Variants in PKHD1L1 observed in about 807,000 individuals in gnomAD.
The protein encoded by PKHD1L1 is PKHD1 like 1.
PKHD1L1 carries 434 observed loss-of-function variants against 462.9 expected under a neutral mutation model. The ratio of observed to expected loss-of-function variants is 0.94; its 90% CI spans 0.87 to 1.02. The LOEUF is 1.02. Among genes scored for constraint, PKHD1L1 ranks in the 50% least tolerant of loss-of-function variants. The pLI is 0.00. For synonymous variants in PKHD1L1, 1,781 were observed against 1,750.0 expected, an observed-to-expected ratio of 1.02 and a Z score of -0.44; for missense variants, 5,202 against 5,096.1, an observed-to-expected ratio of 1.02 and a Z score of -0.63.
chr8:109,445,756 C>A, intron 38 of PKHD1L1, 111 bp downstream of exon 38: 1 of 1,129,184 alleles, frequency 8.9e-7, no homozygotes, highest in Non-Finnish European at 1.2e-6. Flanking sequence ...TATAAATGTT[C>A]CCACTTACAC....
chr8:109,425,368 T>C, intron 24 of PKHD1L1, 136 bp downstream of exon 24: 4 of 521,746 alleles, frequency 7.7e-6, no homozygotes, highest in Non-Finnish European at 1.2e-5. Context: ...ATTTGATATA[T>C]AAGTAAATAT....
At chr8:109,486,864 T>C in intron 59 of PKHD1L1, 43 bp downstream of exon 59, 2 of 1,536,064 alleles carry the variant, frequency 1.3e-6, no homozygotes, top group Middle Eastern at 1.7e-4. Context: ...AGCTATAACA[T>C]TATCTCATCT....
chr8:109,486,858 A>G, intron 59 of PKHD1L1, 37 bp downstream of exon 59: 1 of 1,572,166 alleles, frequency 6.4e-7, no homozygotes, highest in Non-Finnish European at 8.7e-7. Context: ...TAAATGAGCT[A>G]TAACATTATC....
Position 109,429,851 on chromosome 8 carries a change from A to G in PKHD1L1, c.3124-81A>G, listed in dbSNP as rs1315380170. On this transcript the variant is annotated intron_variant, in intron 26 of 77. Coordinates refer to ENST00000378402, the MANE Select transcript of PKHD1L1 (RefSeq NM_177531.6). ...TAAATTAGCAAACCAACAAAATTCC[A>G]TCACTTTTGTTAAAACCTATTCATA... The G allele has an allele frequency of 5.5e-6, 5 of 902,776 alleles. No individual in the cohort carries two copies. The Admixed American group carries it at 7.3e-5, about 13-fold the overall frequency. 55.9% of individuals were successfully genotyped at this position (902,776 alleles called of 1,614,324 possible).
chr8:109,526,074 T>C (rs1008252220), intron 76 of PKHD1L1, among the ~76,000 whole-genome samples: 1 of 152,184 alleles, frequency 6.6e-6, no homozygotes, highest in South Asian at 2.1e-4. Flanking sequence ...AGGAAAAATA[T>C]ATTGGTTATC....
intron 20 of PKHD1L1, 125 bp downstream of exon 20, chr8:109,412,539 C>A (rs762475379): frequency 5.5e-5 from 54 of 988,114 alleles, no homozygotes; most frequent in Non-Finnish European, 7.6e-5. Context: ...TAACAGGCAC[C>A]GAAGTGTACA....
chr8:109,528,612 C>A (rs921782299), intron 77 of PKHD1L1, among the ~76,000 whole-genome samples: 6 of 152,182 alleles, frequency 3.9e-5, no homozygotes, highest in Non-Finnish European at 8.8e-5. Flanking sequence ...TCCACCTCAT[C>A]CAGCAGGTTT....
chr8:109,515,067 T>G, intron 71 of PKHD1L1, 103 bp from the exon 72 acceptor site: 1 of 947,892 alleles, frequency 1.1e-6, no homozygotes, highest in South Asian at 2.2e-5. Flanking sequence ...AAAACTTAGT[T>G]TTAATAGTTT....
intron 19 of PKHD1L1, among the ~76,000 whole-genome samples, chr8:109,411,195 T>G (rs1287786828): frequency 6.6e-6 from 1 of 152,176 alleles, no homozygotes; most frequent in Non-Finnish European, 1.5e-5. Flanking sequence ...CAGTCATTAT[T>G]TATTTCTTAA....
Position 109,523,290 on chromosome 8 carries a change from T to G in PKHD1L1, c.12388T>G (p.Ser4130Ala), listed in dbSNP as rs745507768. 1.2e-6 allele frequency: 2 copies of G among 1,612,252 alleles called. No homozygotes were observed. The highest frequency in any genetic ancestry group is 1.7e-5 in the Admixed American group (1 of 59,912). Reference protein sequence around the residue: ...ALTLRAILKDSNNNQVNGLSG... With the variant: ...ALTLRAILKDANNNQVNGLSG... Reference sequence around the variant, plus strand: ...AACTTTGAGGGCCATACTCAAGGACTCCAATAATAACCAAGTCAATGGCCT... The same window carrying G: ...AACTTTGAGGGCCATACTCAAGGACGCCAATAATAACCAAGTCAATGGCCT... The change falls in exon 76 of 78, where the codon TCC (serine) becomes GCC (alanine). Residue 4130 changes from serine (S) to alanine (A), a missense_variant. Physicochemically the swap from Ser to Ala is moderately conservative, Grantham distance 99. Coordinates refer to ENST00000378402, the MANE Select transcript of PKHD1L1 (RefSeq NM_177531.6).
At chr8:109,518,073 G>T in intron 72 of PKHD1L1, 94 bp from the exon 73 acceptor site, 1 of 789,724 alleles carries the variant, frequency 1.3e-6, no homozygotes, top group Non-Finnish European at 1.9e-6. Context: ...GAATTTGGGG[G>T]ACTTTCTAAA....
rs746864588 is a variant in PKHD1L1, at chr8:109,381,417, T to C, written c.211T>C (p.Leu71=). The C allele has an allele frequency of 2.5e-6, 4 of 1,583,522 alleles. No individual in the cohort carries two copies. In the East Asian group the frequency reaches 9.1e-5, roughly 36 times the overall value. The change falls in exon 3 of 78, where the codon TTG becomes CTG. Residue 71 remains leucine (L), a synonymous_variant. Coordinates refer to ENST00000378402, the MANE Select transcript of PKHD1L1 (RefSeq NM_177531.6). ...QFNYGVDNAE[L]GNSVQLISSF... ...TAACTATGGAGTTGATAACGCTGAG[T>C]TGGGAAACAGTGTGCAATTAATTTC...
At chr8:109,454,531 A>C (rs77695814) in intron 44 of PKHD1L1, among the ~76,000 whole-genome samples, 192 bp from the exon 45 acceptor site, 2 of 152,194 alleles carry the variant, frequency 1.3e-5, no homozygotes, top group Admixed American at 1.3e-4. Context: ...TATACCTTTC[A>C]AAGGTCTGGC....
At chr8:109,404,453 A>C (rs965394447) in intron 14 of PKHD1L1, 101 bp from the exon 15 acceptor site, 2 of 666,044 alleles carry the variant, frequency 3.0e-6, no homozygotes, top group East Asian at 6.7e-5. Flanking sequence ...GTCATTTAAC[A>C]GGCAGGCTTT....
At chr8:109,428,898 C>T (rs1321943922) in intron 25 of PKHD1L1, among the ~76,000 whole-genome samples, 1 of 151,786 alleles carries the variant, frequency 6.6e-6, no homozygotes, top group Non-Finnish European at 1.5e-5. Context: ...GGGTGAAAAA[C>T]CAGGGTAAAG....
intron 17 of PKHD1L1, 140 bp downstream of exon 17, chr8:109,406,618 A>G: frequency 2.0e-6 from 2 of 1,015,608 alleles, no homozygotes; most frequent in East Asian, 2.8e-5. Context: ...TTCTACGGTA[A>G]TTTAAATTTT....
Position 109,532,285 on chromosome 8 carries a change from C to G in PKHD1L1, c.*2195C>G, listed in dbSNP as rs766409835. 1.3e-5 allele frequency among the ~76,000 whole-genome samples: 2 copies of G among 152,198 alleles called. No individual in the cohort carries two copies. Among genetic ancestry groups the G allele is most frequent in the Admixed American group, 6.5e-5 (1 of 15,288 alleles). On this transcript the variant is annotated 3_prime_UTR_variant, in exon 78 of 78. Coordinates refer to ENST00000378402, the MANE Select transcript of PKHD1L1 (RefSeq NM_177531.6). ...TTCCTGTTTTAACTGCTTTAGGCTTCTGGCTGTCTGCTTTTTAAGAACATT... is the reference window on the plus strand; with the variant it reads ...TTCCTGTTTTAACTGCTTTAGGCTTGTGGCTGTCTGCTTTTTAAGAACATT...
At chr8:109,453,591 T>C (rs1286626461) in intron 43 of PKHD1L1, among the ~76,000 whole-genome samples, 1 of 152,170 alleles carries the variant, frequency 6.6e-6, no homozygotes, top group Admixed American at 6.6e-5. Context: ...AATAGAAAAG[T>C]TTCAGGTTTT....
intron 4 of PKHD1L1, among the ~76,000 whole-genome samples, chr8:109,383,055 TATAA>T (rs1343858849): frequency 1.5e-5 from 2 of 133,938 alleles, no homozygotes; most frequent in East Asian, 2.0e-4. Context: ...TAGTTATATA[TATAA>T]ATAATTATAT....
Sources: gnomAD v4.1 joint callset for allele counts (sites outside exome capture counted in the v4.1 genomes callset) on GRCh38, gnomAD v4.1.1 for gene constraint, MANE v1.5 for transcripts, NCBI Gene and HGNC (gene_info 2026-07-23, HGNC 2026-07-21) for gene names.